ST6GALNAC5: variants seen among roughly 807,000 people sequenced by gnomAD.
ST6GALNAC5 encodes the protein ST6 N-acetylgalactosaminide alpha-2,6-sialyltransferase 5, also known as alpha-N-acetylgalactosaminide alpha-2,6-sialyltransferase 5.
ST6GALNAC5 carries 27 observed loss-of-function variants against 33.6 expected under a neutral mutation model. That is an observed-to-expected ratio of 0.80 (90% CI 0.59 to 1.11). The LOEUF (loss-of-function observed/expected upper bound fraction) is 1.11. Among genes scored for constraint, ST6GALNAC5 ranks in the 50% least tolerant of loss-of-function variants. The pLI, the probability that ST6GALNAC5 is intolerant of heterozygous loss-of-function variation, is 0.00. For missense variants in ST6GALNAC5, 428 were observed against 454.0 expected, an observed-to-expected ratio of 0.94 and a Z score of 0.52; for synonymous variants, 194 against 171.2, an observed-to-expected ratio of 1.13 and a Z score of -1.04.
intron 2 of ST6GALNAC5, among the ~76,000 whole-genome samples, chr1:76,978,891 CA>C (rs1297804357): frequency 7.2e-5 from 11 of 151,898 alleles, no homozygotes; most frequent in Non-Finnish European, 1.5e-4. Context: ...AAGATTGCAC[CA>C]AAAAACTGTT....
At chr1:76,902,598 A>T (rs1646829418) in intron 2 of ST6GALNAC5, among the ~76,000 whole-genome samples, 1 of 152,168 alleles carries the variant, frequency 6.6e-6, no homozygotes, top group African/African-American at 2.4e-5. Context: ...AAGAAGAATA[A>T]GTTGAAGGCC....
In ST6GALNAC5 at chr1:76,942,877, A is replaced by T. The variant is rs376557239; in HGVS notation, c.261+74135A>T. ...AGACAGAACTTGACTCGACATCCAC[A>T]GTATCTGATTTATACTGAATTTGCC... On this transcript the variant is annotated intron_variant, in intron 2 of 4. Transcript: ENST00000477717. 2.0e-5 allele frequency among the ~76,000 whole-genome samples: 3 copies of T among 152,072 alleles called. No homozygotes were observed. In the South Asian group the frequency reaches 6.2e-4, roughly 32 times the overall value.
chr1:77,019,332 C>T (rs1023446130), intron 2 of ST6GALNAC5, among the ~76,000 whole-genome samples: 1 of 152,152 alleles, frequency 6.6e-6, no homozygotes, highest in African/African-American at 2.4e-5. Context: ...TGTGGAAGTG[C>T]CTGGTAGAAC....
chr1:77,044,911 G>T (rs1052556524), intron 3 of ST6GALNAC5, among the ~76,000 whole-genome samples: 1 of 152,064 alleles, frequency 6.6e-6, no homozygotes, highest in South Asian at 2.1e-4. Flanking sequence ...CAGCTTTATT[G>T]CATTTCATTT....
chr1:76,936,835 C>G (rs1335124167), intron 2 of ST6GALNAC5, among the ~76,000 whole-genome samples: 2 of 151,786 alleles, frequency 1.3e-5, no homozygotes, highest in African/African-American at 4.8e-5. Context: ...GTGGAAGGAG[C>G]ATTGGACTTT....
chr1:77,018,389 A>G (rs1018943399), intron 2 of ST6GALNAC5, among the ~76,000 whole-genome samples: 21 of 152,244 alleles, frequency 1.4e-4, no homozygotes, highest in African/African-American at 5.1e-4. Flanking sequence ...TGTGCCAGGT[A>G]CAAACATTCA....
At chr1:76,974,589 T>G (rs1648920988) in intron 2 of ST6GALNAC5, among the ~76,000 whole-genome samples, 1 of 151,806 alleles carries the variant, frequency 6.6e-6, no homozygotes, top group African/African-American at 2.4e-5. Flanking sequence ...TGCATAGTTA[T>G]TTTATTATTT....
At chr1:77,005,540 T>G (rs1041485839) in intron 2 of ST6GALNAC5, among the ~76,000 whole-genome samples, 2 of 152,240 alleles carry the variant, frequency 1.3e-5, no homozygotes, top group African/African-American at 4.8e-5. Context: ...TTTATGATGG[T>G]AAAATATACA....
At chr1:77,002,250 T>G (rs1352916174) in intron 2 of ST6GALNAC5, among the ~76,000 whole-genome samples, 1 of 152,236 alleles carries the variant, frequency 6.6e-6, no homozygotes, top group Non-Finnish European at 1.5e-5. Context: ...TTTATCCATT[T>G]CTTCTAGATT....
intron 2 of ST6GALNAC5, among the ~76,000 whole-genome samples, chr1:77,034,793 A>G (rs1448184477): frequency 6.6e-6 from 1 of 152,140 alleles, no homozygotes; most frequent in Non-Finnish European, 1.5e-5. Flanking sequence ...AAAACCACTT[A>G]CACTTCTAGG....
intron 2 of ST6GALNAC5, among the ~76,000 whole-genome samples, chr1:77,010,356 G>A (rs544253917): frequency 7.9e-5 from 12 of 152,174 alleles, no homozygotes; most frequent in Middle Eastern, 6.8e-3. Flanking sequence ...TTAGCCAGGT[G>A]TGATGGCACA....
intron 2 of ST6GALNAC5, among the ~76,000 whole-genome samples, chr1:76,975,624 A>G (rs1044789254): frequency 2.0e-5 from 3 of 152,224 alleles, no homozygotes; most frequent in Admixed American, 1.3e-4. Context: ...GATAAATCTT[A>G]TAACTTTGCA....
At position 77,064,873 on chromosome 1, in the gene ST6GALNAC5, T is replaced by C. The variant is rs1444108381; in HGVS notation, c.*1667T>C. 1 of 152,174 alleles carries C rather than the reference T, an allele frequency of 6.6e-6. No individual in the cohort carries two copies. Among genetic ancestry groups the C allele is most frequent in the East Asian group, 1.9e-4 (1 of 5,198 alleles). The allele number at this position is 152,174 out of a possible 1,614,324, so 9.4% of individuals were successfully genotyped here. On this transcript the variant is annotated 3_prime_UTR_variant, in exon 5 of 5. Coordinates refer to ENST00000477717, the MANE Select transcript of ST6GALNAC5 (RefSeq NM_030965.3). Reference sequence around the variant, plus strand: ...CATTACCACTTCTTTTCCCTTTTCTTAATTAGTACACTAACTAGTACTATT... The same window carrying C: ...CATTACCACTTCTTTTCCCTTTTCTCAATTAGTACACTAACTAGTACTATT...
intron 2 of ST6GALNAC5, among the ~76,000 whole-genome samples, chr1:76,920,229 A>AT (rs903021854): frequency 1.3e-5 from 2 of 152,030 alleles, no homozygotes; most frequent in African/African-American, 2.4e-5. Flanking sequence ...GTGCTGGTGA[A>AT]TTTTTTTTAA....
At chr1:77,021,962 A>G (rs1651069108) in intron 2 of ST6GALNAC5, among the ~76,000 whole-genome samples, 1 of 152,192 alleles carries the variant, frequency 6.6e-6, no homozygotes, top group African/African-American at 2.4e-5. Context: ...TGCCTTTCAT[A>G]CACAGATGCT....
intron 2 of ST6GALNAC5, among the ~76,000 whole-genome samples, chr1:77,015,628 A>C (rs566475391): frequency 7.5e-4 from 114 of 152,268 alleles, no homozygotes; most frequent in Non-Finnish European, 1.8e-4. Flanking sequence ...AGGTGGACAG[A>C]GCTGAAGCGG....
intron 2 of ST6GALNAC5, among the ~76,000 whole-genome samples, chr1:77,009,691 C>T (rs562717069): frequency 8.5e-5 from 13 of 152,204 alleles, no homozygotes; most frequent in South Asian, 2.1e-4. Flanking sequence ...TCTCTCCTTG[C>T]GCTTTGTCTC....
chr1:76,952,304 G>A (rs1647781090), intron 2 of ST6GALNAC5, among the ~76,000 whole-genome samples: 2 of 152,134 alleles, frequency 1.3e-5, no homozygotes, highest in South Asian at 4.2e-4. Context: ...CTGAATATGT[G>A]CGTGTATGTC....
At position 76,961,410 on chromosome 1, in the gene ST6GALNAC5, C is replaced by T. The variant is rs185877907; in HGVS notation, c.262-82794C>T. Among the ~76,000 whole-genome samples, 357 of 152,274 alleles carry T rather than the reference C, an allele frequency of 2.3e-3. 2 individuals are homozygous for T. The highest frequency in any genetic ancestry group is 8.0e-3 in the African/African-American group (333 of 41,564). On this transcript the variant is annotated intron_variant, in intron 2 of 4. Transcript: ENST00000477717. ...AGAAGAAAGAAAAAAAGACAAGGAA[C>T]GTGAAAATTGGGTGATGTCAGCCTC...
Sources: allele counts gnomAD v4.1 joint callset (sites outside exome capture counted in the v4.1 genomes callset), GRCh38; gene constraint gnomAD v4.1.1; transcripts MANE v1.5; gene names NCBI Gene and HGNC (gene_info 2026-07-23, HGNC 2026-07-21).